CCDC148: variants seen among roughly 807,000 people sequenced by gnomAD.
CCDC148 encodes coiled-coil domain containing 148, also known as coiled-coil domain-containing protein 148.
CCDC148 carries 89 observed loss-of-function variants against 85.7 expected under a neutral mutation model. The observed-to-expected ratio is 1.04, with a 90% CI of 0.87 to 1.24. The LOEUF (loss-of-function observed/expected upper bound fraction) is 1.24. Among genes scored for constraint, CCDC148 ranks in the 50% most tolerant of loss-of-function variants. CCDC148 has a pLI of 0.00. For synonymous variants in CCDC148, 230 were observed against 213.9 expected (o/e 1.08, Z -0.66); for missense variants, 692 against 671.7 (o/e 1.03, Z -0.33).
intron 11 of CCDC148, among the ~76,000 whole-genome samples, chr2:158,193,729 C>T (rs1685528282): frequency 6.6e-6 from 1 of 151,882 alleles, no homozygotes; most frequent in African/African-American, 2.4e-5. Flanking sequence ...GTATATAAGG[C>T]TTTATAGGAA....
intron 10 of CCDC148, among the ~76,000 whole-genome samples, chr2:158,240,166 T>G (rs371860642): frequency 6.6e-6 from 1 of 151,712 alleles, no homozygotes. Flanking sequence ...CAAGCCCAAG[T>G]TGGTGTTCAG....
chr2:158,451,374 T>C (rs1007499907), intron 1 of CCDC148, among the ~76,000 whole-genome samples: 1 of 152,192 alleles, frequency 6.6e-6, no homozygotes, highest in African/African-American at 2.4e-5. Flanking sequence ...AAATAAAATA[T>C]AGTAGCAATT....
Position 158,338,199 on chromosome 2 carries a change from G to C in CCDC148, c.764+527C>G, listed in dbSNP as rs75682092. On this transcript the variant is annotated intron_variant, in intron 7 of 13. Transcript: ENST00000283233. ...CTGCCAAACTGAATTTTAAATCGCT[G>C]AACATTATATTCACCATGCAGAAGT... Among the ~76,000 whole-genome samples, 409 of 152,218 alleles carry C rather than the reference G, an allele frequency of 2.7e-3. 3 individuals are homozygous for C. Among genetic ancestry groups the C allele is most frequent in the African/African-American group, 9.2e-3 (381 of 41,560 alleles).
intron 9 of CCDC148, among the ~76,000 whole-genome samples, chr2:158,278,315 G>T (rs559736521): frequency 1.3e-5 from 2 of 152,136 alleles, no homozygotes; most frequent in Non-Finnish European, 2.9e-5. Flanking sequence ...AGCCTAAGCA[G>T]GGTGAGACAT....
rs763479278 is a variant in CCDC148 at position 158,339,052 on chromosome 2, A to G, written c.520T>C (p.Phe174Leu). Residue 174 changes from phenylalanine to leucine, a missense_variant, in exon 6 of 14, where the codon TTT (phenylalanine) becomes CTT (leucine). Coordinates refer to ENST00000283233, the MANE Select transcript of CCDC148 (RefSeq NM_138803.4). ...DFVKKQLKTV[F>L]ERLRLEQQRI... Reference sequence around the variant, plus strand: ...TGTTGCTCCAGCCTAAGTCTTTCAAAGACAGTTTTCAATTGTTTCTTCACA... The same window carrying G: ...TGTTGCTCCAGCCTAAGTCTTTCAAGGACAGTTTTCAATTGTTTCTTCACA... 2 of 1,613,942 alleles carry G rather than the reference A, an allele frequency of 1.2e-6. No individual in the cohort carries two copies. The highest frequency in any genetic ancestry group is 2.2e-5 in the South Asian group (2 of 91,062).
At chr2:158,341,480 C>T (rs1206334648) in intron 3 of CCDC148, among the ~76,000 whole-genome samples, 5 of 151,740 alleles carry the variant, frequency 3.3e-5, no homozygotes, top group African/African-American at 4.8e-5. Flanking sequence ...CTAATATGTG[C>T]GTGTGTGTAC....
At chr2:158,434,907 C>T (rs373896780) in intron 1 of CCDC148, among the ~76,000 whole-genome samples, 118 of 152,052 alleles carry the variant, frequency 7.8e-4, no homozygotes, top group African/African-American at 2.6e-3. Flanking sequence ...TGAAATGAAG[C>T]GAGAAGAGAA....
chr2:158,442,315 G>C (rs1055205234), intron 1 of CCDC148, among the ~76,000 whole-genome samples: 1 of 152,120 alleles, frequency 6.6e-6, no homozygotes, highest in African/African-American at 2.4e-5. Flanking sequence ...AGTTTTTCCA[G>C]TGCTGTTTTT....
In CCDC148 at chr2:158,456,655, C is replaced by A. The variant is rs1688767615; in HGVS notation, c.-216G>T. 1 of 615,432 alleles carries A rather than the reference C, an allele frequency of 1.6e-6. No individual in the cohort carries two copies. The highest frequency in any genetic ancestry group is 2.8e-6 in the Non-Finnish European group (1 of 354,958). The allele number at this position is 615,432 out of a possible 1,614,324, so 38.1% of individuals were successfully genotyped here. A position where few individuals can be genotyped will look rare whatever the true frequency, so the allele number is the denominator to read the frequency against. Reference sequence around the variant, plus strand: ...AGCCAGCGCTGGGGAATCTCCCTGTCCTCTCCGCCACCCCCTCCCGCGCCC... The same window carrying A: ...AGCCAGCGCTGGGGAATCTCCCTGTACTCTCCGCCACCCCCTCCCGCGCCC... On this transcript the variant is annotated 5_prime_UTR_variant, in exon 1 of 14. Transcript: ENST00000283233.
chr2:158,272,913 A>G (rs1386047507), intron 9 of CCDC148, among the ~76,000 whole-genome samples: 3 of 152,242 alleles, frequency 2.0e-5, no homozygotes, highest in Non-Finnish European at 2.9e-5. Context: ...TCATCCCACA[A>G]TGTATACATA....
chr2:158,279,868 G>T (rs1690177237), intron 9 of CCDC148, among the ~76,000 whole-genome samples: 1 of 151,476 alleles, frequency 6.6e-6, no homozygotes, highest in Admixed American at 6.6e-5. Context: ...GTTAAGGGCA[G>T]CCAGAGAGAA....
chr2:158,439,411 G>A (rs889828019), intron 1 of CCDC148, among the ~76,000 whole-genome samples: 1 of 152,130 alleles, frequency 6.6e-6, no homozygotes, highest in Admixed American at 6.5e-5. Flanking sequence ...TCACTCATAT[G>A]TGGGAATTGA....
intron 1 of CCDC148, among the ~76,000 whole-genome samples, chr2:158,401,324 G>C (rs1281655042): frequency 6.6e-6 from 1 of 152,096 alleles, no homozygotes; most frequent in Non-Finnish European, 1.5e-5. Context: ...TAATCGACTG[G>C]ATAAAGAAAA....
intron 1 of CCDC148, among the ~76,000 whole-genome samples, chr2:158,397,188 G>A (rs1393330084): frequency 3.3e-5 from 5 of 152,042 alleles, no homozygotes; most frequent in Admixed American, 3.3e-4. Flanking sequence ...CAACCCAGGA[G>A]ACAGAACTAT....
intron 10 of CCDC148, among the ~76,000 whole-genome samples, chr2:158,230,488 T>C (rs977487160): frequency 6.6e-6 from 1 of 152,100 alleles, no homozygotes; most frequent in Non-Finnish European, 1.5e-5. Context: ...ACCTCGCATA[T>C]GTTGAGAACT....
chr2:158,446,980 C>A (rs1399998743), intron 1 of CCDC148, among the ~76,000 whole-genome samples: 1 of 151,942 alleles, frequency 6.6e-6, no homozygotes, highest in Non-Finnish European at 1.5e-5. Context: ...TTCGAGTATG[C>A]CATGTTTTGT....
At chr2:158,420,364 G>T (rs1686713918) in intron 1 of CCDC148, among the ~76,000 whole-genome samples, 1 of 152,170 alleles carries the variant, frequency 6.6e-6, no homozygotes, top group African/African-American at 2.4e-5. Flanking sequence ...ACAAAGGGAA[G>T]CCCATCAGAC....
intron 9 of CCDC148, among the ~76,000 whole-genome samples, chr2:158,281,075 C>A (rs972780228): frequency 6.6e-6 from 1 of 152,082 alleles, no homozygotes; most frequent in Non-Finnish European, 1.5e-5. Flanking sequence ...TTCTTTGAAA[C>A]CGACGAGAAC....
At position 158,435,777 on chromosome 2, in the gene CCDC148, G is replaced by A. The variant is rs2105337076; in HGVS notation, c.25+20638C>T. ...CATAAGCTCAAAATAAAGGGATGGA[G>A]GAAGATCTACCAAGAAAATAGAAAA... On this transcript the variant is annotated intron_variant, in intron 1 of 13. Coordinates refer to ENST00000283233, the MANE Select transcript of CCDC148 (RefSeq NM_138803.4). Among the ~76,000 whole-genome samples, 3 of 152,252 alleles carry A rather than the reference G, an allele frequency of 2.0e-5. No homozygotes were observed. The Middle Eastern group carries it at 0.01, about 518-fold the overall frequency.
Sources: gnomAD v4.1 joint callset for allele counts (sites outside exome capture counted in the v4.1 genomes callset) on GRCh38, gnomAD v4.1.1 for gene constraint, MANE v1.5 for transcripts, NCBI Gene and HGNC (gene_info 2026-07-23, HGNC 2026-07-21) for gene names.